The following NTRK3 variants were observed in gnomAD, a reference collection of about 807,000 sequenced individuals.
The protein encoded by NTRK3 is neurotrophic receptor tyrosine kinase 3.
In NTRK3, 24 loss-of-function variants were observed where a neutral mutation model predicts 91.7. The ratio of observed to expected loss-of-function variants is 0.26; its 90% CI spans 0.19 to 0.37. NTRK3 has a LOEUF of 0.37. Ranked by LOEUF, NTRK3 falls within the 10% of genes least tolerant of loss-of-function variation. NTRK3 has a pLI of 1.00. For synonymous variants in NTRK3, 483 were observed against 404.0 expected (o/e 1.20, Z -2.34); for missense variants, 880 against 1,068.9 (o/e 0.82, Z 2.46).
rs967580708 is a variant in NTRK3, at chr15:88,136,812, A to G, written c.623-203T>C. 5.3e-5 allele frequency among the ~76,000 whole-genome samples: 8 copies of G among 152,326 alleles called. No individual in the cohort carries two copies. In the South Asian group the frequency reaches 1.7e-3, roughly 32 times the overall value. Reference sequence around the variant, plus strand: ...ACATCAGAACTCAGAATTGAAGCCCATGCAGTTGCAGTCTCCCACATTGCA... The same window carrying G: ...ACATCAGAACTCAGAATTGAAGCCCGTGCAGTTGCAGTCTCCCACATTGCA... On this transcript the variant is annotated intron_variant, in intron 7 of 18. Transcript: ENST00000394480.
chr15:88,206,632 T>C (rs1363142456), intron 3 of NTRK3, among the ~76,000 whole-genome samples: 1 of 127,160 alleles, frequency 7.9e-6, no homozygotes, highest in Non-Finnish European at 1.6e-5. Context: ...CACTCCGGCC[T>C]GGGCGACAGA....
intron 14 of NTRK3, chr15:87,981,440 T>C (rs927993776): frequency 1.1e-5 from 18 of 1,602,894 alleles, no homozygotes; most frequent in Non-Finnish European, 1.5e-5. Flanking sequence ...AGTATTTTTC[T>C]TAAGTGCACA....
intron 14 of NTRK3, among the ~76,000 whole-genome samples, chr15:88,031,444 G>A (rs1048139680): frequency 1.3e-5 from 2 of 152,170 alleles, no homozygotes. Context: ...CCAGTCCTGG[G>A]GTGAGCCTGA....
At chr15:87,908,451 C>T (rs929120891) in intron 17 of NTRK3, 13 of 399,918 alleles carry the variant, frequency 3.3e-5, no homozygotes, top group African/African-American at 2.5e-4. Flanking sequence ...GACTGCCCTG[C>T]CCAGCCCCCT....
chr15:88,162,424 C>A (rs2044543273), intron 5 of NTRK3, among the ~76,000 whole-genome samples: 1 of 152,128 alleles, frequency 6.6e-6, no homozygotes, highest in South Asian at 2.1e-4. Flanking sequence ...AAAGAGAACA[C>A]CTCCAAAGCC....
At chr15:88,236,254 A>G (rs1323123009) in intron 3 of NTRK3, among the ~76,000 whole-genome samples, 1 of 152,236 alleles carries the variant, frequency 6.6e-6, no homozygotes, top group Non-Finnish European at 1.5e-5. Context: ...TTAGCAATAA[A>G]AAGGAACCAA....
At chr15:88,084,561 G>C (rs2048333232) in intron 13 of NTRK3, among the ~76,000 whole-genome samples, 1 of 152,202 alleles carries the variant, frequency 6.6e-6, no homozygotes, top group Non-Finnish European at 1.5e-5. Context: ...CTCTGGCAAG[G>C]TCTCTGGAAT....
intron 14 of NTRK3, among the ~76,000 whole-genome samples, chr15:88,007,821 A>G (rs1238031350): frequency 6.6e-6 from 1 of 152,148 alleles, no homozygotes; most frequent in African/African-American, 2.4e-5. Context: ...TGATCTCTCT[A>G]TGCCTCAGTA....
chr15:88,003,918 G>A (rs572973856), intron 14 of NTRK3, among the ~76,000 whole-genome samples: 1 of 151,026 alleles, frequency 6.6e-6, no homozygotes, highest in East Asian at 2.0e-4. Flanking sequence ...TCTCATGGAT[G>A]GAGAACTGGT....
intron 14 of NTRK3, among the ~76,000 whole-genome samples, chr15:87,942,051 G>T (rs1024654163): frequency 6.6e-6 from 1 of 152,220 alleles, no homozygotes; most frequent in African/African-American, 2.4e-5. Flanking sequence ...GGGACAGAGG[G>T]GCATGGCTGG....
chr15:88,187,759 C>A (rs865996479), intron 3 of NTRK3, among the ~76,000 whole-genome samples: 1 of 151,884 alleles, frequency 6.6e-6, no homozygotes, highest in East Asian at 1.9e-4. Context: ...CATGGGGAAA[C>A]CCTGTCTCTA....
chr15:88,055,359 G>C (rs1053065265), intron 13 of NTRK3, among the ~76,000 whole-genome samples: 1 of 152,130 alleles, frequency 6.6e-6, no homozygotes, highest in Non-Finnish European at 1.5e-5. Flanking sequence ...GGCAGTTCTA[G>C]GAGAAAAAGC....
exon 19 of NTRK3, chr15:87,872,991 T>C (rs1020557170): frequency 2.1e-5 from 5 of 233,052 alleles, no homozygotes; most frequent in African/African-American, 1.1e-4. Context: ...CCCTGCCACT[T>C]TTCTACTTAA....
At chr15:88,120,479 G>C (rs2052583631) in intron 13 of NTRK3, among the ~76,000 whole-genome samples, 1 of 152,218 alleles carries the variant, frequency 6.6e-6, no homozygotes, top group Non-Finnish European at 1.5e-5. Context: ...TTGCTGATGA[G>C]GCACTTAAGG....
chr15:87,969,250 A>C (rs1182451675), intron 14 of NTRK3, among the ~76,000 whole-genome samples: 1 of 152,178 alleles, frequency 6.6e-6, no homozygotes, highest in Non-Finnish European at 1.5e-5. Flanking sequence ...TCCCTGCTTG[A>C]AGAGGCACAG....
At chr15:88,003,533 G>A (rs941574721) in intron 14 of NTRK3, among the ~76,000 whole-genome samples, 4 of 152,182 alleles carry the variant, frequency 2.6e-5, no homozygotes, top group Non-Finnish European at 2.9e-5. Context: ...GGCATAGAGA[G>A]AGGTTAAGTA....
At chr15:88,035,059 G>A (rs529491847) in intron 13 of NTRK3, among the ~76,000 whole-genome samples, 1 of 152,270 alleles carries the variant, frequency 6.6e-6, no homozygotes, top group East Asian at 1.9e-4. Flanking sequence ...AGGAAAAGTG[G>A]TGATAAGAGA....
chr15:87,956,404 G>A (rs1480870346), intron 14 of NTRK3, among the ~76,000 whole-genome samples: 2 of 152,128 alleles, frequency 1.3e-5, no homozygotes, highest in African/African-American at 4.8e-5. Context: ...CTCCTGAGTA[G>A]CTGAGATTAC....
At chr15:88,032,428 G>A (rs1567259039) in intron 14 of NTRK3, among the ~76,000 whole-genome samples, 3 of 152,228 alleles carry the variant, frequency 2.0e-5, no homozygotes, top group Admixed American at 2.0e-4. Flanking sequence ...TCCATTCAAA[G>A]GTACTCACTG....
Sources: gnomAD v4.1 joint callset for allele counts (sites outside exome capture counted in the v4.1 genomes callset) on GRCh38, gnomAD v4.1.1 for gene constraint, MANE v1.5 for transcripts, NCBI Gene and HGNC (gene_info 2026-07-23, HGNC 2026-07-21) for gene names.